The following FAM13B variants were observed in gnomAD, a reference collection of about 807,000 sequenced individuals.
FAM13B encodes the protein protein FAM13B.
A neutral mutation model predicts 117.3 loss-of-function variants in FAM13B; 60 were observed. The ratio of observed to expected loss-of-function variants is 0.51; its 90% confidence interval spans 0.42 to 0.63. The LOEUF is 0.63. Among genes scored for constraint, FAM13B ranks in the 30% least tolerant of loss-of-function variants. The probability of loss-of-function intolerance (pLI) is 0.00; values close to 1 mark genes in which losing one functional copy is unlikely to be tolerated. For synonymous variants in FAM13B, 332 were observed against 356.1 expected (o/e 0.93, Z 0.76); for missense variants, 972 against 1,091.9 (o/e 0.89, Z 1.55).
chr5:138,002,966 G>A (rs569957632), intron 7 of FAM13B, among the ~76,000 whole-genome samples: 14 of 151,820 alleles, frequency 9.2e-5, no homozygotes, highest in South Asian at 2.1e-4. Context: ...GAGCCACCGC[G>A]CCGGGCCTGT....
chr5:137,992,504 G>C (rs1229549719), intron 7 of FAM13B, among the ~76,000 whole-genome samples: 1 of 152,024 alleles, frequency 6.6e-6, no homozygotes, highest in African/African-American at 2.4e-5. Flanking sequence ...TGAGGCAGGG[G>C]AATCACTTGA....
chr5:137,999,836 T>C, intron 7 of FAM13B, among the ~76,000 whole-genome samples: 1 of 152,114 alleles, frequency 6.6e-6, no homozygotes, highest in East Asian at 1.9e-4. Context: ...CTAAGGAGTC[T>C]TCTCTCAGGC....
rs1443520715 is a variant in FAM13B at position 137,949,187 on chromosome 5, A to T, written c.1931-3T>A. ...ATCAGAATTTTTGTGTTTTGCATCT[A>T]CATGTCAGAAATAAGGACAGATCAG... On this transcript the variant is annotated splice_polypyrimidine_tract_variant and splice_region_variant and intron_variant, in intron 17 of 23. Coordinates refer to ENST00000689681, the MANE Select transcript of FAM13B (RefSeq NM_001385994.1). The T allele has an allele frequency of 6.2e-7, 1 of 1,611,236 alleles. No homozygotes were observed. Among genetic ancestry groups the T allele is most frequent in the Admixed American group, 1.7e-5 (1 of 60,020 alleles).
At chr5:138,030,947 C>A (rs1294286180) in intron 1 of FAM13B, among the ~76,000 whole-genome samples, 1 of 151,678 alleles carries the variant, frequency 6.6e-6, no homozygotes, top group South Asian at 2.1e-4. Context: ...TCAGAAGAAT[C>A]GTTAGAACCT....
chr5:137,989,642 T>C (rs1408439488), intron 7 of FAM13B, among the ~76,000 whole-genome samples: 2 of 151,958 alleles, frequency 1.3e-5, no homozygotes, highest in Non-Finnish European at 2.9e-5. Flanking sequence ...CTGGGCAACA[T>C]AGCGAGATCC....
At chr5:138,033,636 T>C (rs552752972), upstream of FAM13B, 2 of 152,416 alleles carry the variant, frequency 1.3e-5, no homozygotes, top group Admixed American at 6.5e-5. Flanking sequence ...TGGAAGTCGA[T>C]AGGCTGCGGG....
chr5:138,051,639 C>G (rs1386443392), intron 1 of FAM13B, among the ~76,000 whole-genome samples: 1 of 151,974 alleles, frequency 6.6e-6, no homozygotes, highest in Non-Finnish European at 1.5e-5. Flanking sequence ...TCATTTTCAT[C>G]ACAAAAGTAG....
At chr5:137,971,667 C>A (rs192506109) in intron 10 of FAM13B, among the ~76,000 whole-genome samples, 1 of 151,716 alleles carries the variant, frequency 6.6e-6, no homozygotes, top group Middle Eastern at 3.2e-3. Context: ...ATTAACGAAT[C>A]CAGGAGCTGG....
chr5:138,047,223 C>A (rs1482005545), intron 1 of FAM13B, among the ~76,000 whole-genome samples: 2 of 151,664 alleles, frequency 1.3e-5, no homozygotes, highest in Non-Finnish European at 2.9e-5. Context: ...TGTCCACATT[C>A]AGACCGGGCG....
intron 7 of FAM13B, among the ~76,000 whole-genome samples, chr5:137,988,894 G>A (rs1274120641): frequency 6.6e-6 from 1 of 152,206 alleles, no homozygotes; most frequent in African/African-American, 2.4e-5. Context: ...GTGGGGGTGA[G>A]AGTGGGACAA....
upstream of FAM13B, among the ~76,000 whole-genome samples, chr5:138,033,527 C>G (rs1423258201): frequency 2.6e-5 from 4 of 152,210 alleles, no homozygotes; most frequent in Admixed American, 1.3e-4. Flanking sequence ...CACGGGGCTG[C>G]ACCTGCGTCC....
intron 1 of FAM13B, among the ~76,000 whole-genome samples, chr5:138,041,845 T>G: frequency 6.6e-6 from 1 of 150,554 alleles, no homozygotes; most frequent in Non-Finnish European, 1.5e-5. Flanking sequence ...AAGCCTGCAG[T>G]AAGCACCACC....
At chr5:137,967,703 G>A (rs918369696) in intron 10 of FAM13B, among the ~76,000 whole-genome samples, 3 of 151,942 alleles carry the variant, frequency 2.0e-5, no homozygotes, top group Non-Finnish European at 2.9e-5. Flanking sequence ...GACCAGCCCA[G>A]GCAACAAAGT....
chr5:137,960,089 A>G (rs1022325090), intron 12 of FAM13B, 77 bp downstream of exon 12: 99 of 874,212 alleles, frequency 1.1e-4, no homozygotes, highest in Non-Finnish European at 8.6e-5. Flanking sequence ...AACCTAGCTA[A>G]CCCACATTAA....
chr5:137,972,875 A>C (rs1772681621), intron 10 of FAM13B, among the ~76,000 whole-genome samples: 1 of 151,992 alleles, frequency 6.6e-6, no homozygotes, highest in Non-Finnish European at 1.5e-5. Flanking sequence ...CAAAGAGAAT[A>C]AAATACCTAG....
intron 2 of FAM13B, among the ~76,000 whole-genome samples, chr5:138,019,651 T>G (rs951613739): frequency 6.6e-6 from 1 of 151,702 alleles, no homozygotes; most frequent in South Asian, 2.1e-4. Context: ...TAATGAGTTC[T>G]TATTTCTACA....
At chr5:137,948,209 T>C (rs755042172) in intron 18 of FAM13B, among the ~76,000 whole-genome samples, 12 of 151,822 alleles carry the variant, frequency 7.9e-5, no homozygotes, top group Non-Finnish European at 1.3e-4. Flanking sequence ...TTAATCCTCA[T>C]AACAACCATA....
chr5:137,957,417 G>C (rs1766889725), intron 13 of FAM13B, among the ~76,000 whole-genome samples: 1 of 151,842 alleles, frequency 6.6e-6, no homozygotes. Context: ...GCACATGTCT[G>C]TAATCCCAGC....
At chr5:137,988,888 G>C (rs187497171) in intron 7 of FAM13B, among the ~76,000 whole-genome samples, 1 of 152,340 alleles carries the variant, frequency 6.6e-6, no homozygotes, top group African/African-American at 2.4e-5. Flanking sequence ...ATACTTGTGG[G>C]GGTGAGAGTG....
Sources: allele counts gnomAD v4.1 joint callset (sites outside exome capture counted in the v4.1 genomes callset), GRCh38; gene constraint gnomAD v4.1.1; transcripts MANE v1.5; gene names NCBI Gene and HGNC (gene_info 2026-07-23, HGNC 2026-07-21).